GABPB1: variants seen among roughly 807,000 people sequenced by gnomAD.
GABPB1 encodes the protein GA-binding protein subunit beta-1.
Under a neutral mutation model 45.9 loss-of-function variants are expected in GABPB1, and 15 were observed. The ratio of observed to expected loss-of-function variants is 0.33; its 90% CI spans 0.22 to 0.50. The LOEUF (loss-of-function observed/expected upper bound fraction) is 0.50. Among genes scored for constraint, GABPB1 ranks in the 20% least tolerant of loss-of-function variants. The probability of loss-of-function intolerance (pLI) is 0.98; values close to 1 mark genes in which losing one functional copy is unlikely to be tolerated. For synonymous variants in GABPB1, 143 were observed against 154.4 expected, an observed-to-expected ratio of 0.93 and a Z score of 0.55; for missense variants, 252 against 457.5, an observed-to-expected ratio of 0.55 and a Z score of 4.10.
At chr15:50,279,931 C>T (rs1222107208) in intron 8 of GABPB1, among the ~76,000 whole-genome samples, 2 of 152,150 alleles carry the variant, frequency 1.3e-5, no homozygotes, top group Non-Finnish European at 2.9e-5. Flanking sequence ...CTCCTTGACT[C>T]CTGCCCATTG....
chr15:50,301,613 G>A (rs2046750037), intron 4 of GABPB1, among the ~76,000 whole-genome samples: 1 of 152,110 alleles, frequency 6.6e-6, no homozygotes, highest in African/African-American at 2.4e-5. Flanking sequence ...TATCTAAAAG[G>A]TTTTTAACAG....
rs1015641737 is a variant in GABPB1, at chr15:50,277,688, T to C, written c.*944A>G. On this transcript the variant is annotated 3_prime_UTR_variant, in exon 9 of 9. Coordinates refer to ENST00000380877, the MANE Select transcript of GABPB1 (RefSeq NM_016654.5). ...GTCCATAAAATATTTCAGAAACCCA[T>C]ATGCATTGGGTTTTCCAAAAACATT... 1.3e-5 allele frequency: 2 copies of C among 152,642 alleles called. No homozygotes were observed. Among genetic ancestry groups the C allele is most frequent in the Non-Finnish European group, 2.9e-5 (2 of 68,018 alleles). The allele number at this position is 152,642 out of a possible 1,614,324, so 9.5% of individuals were successfully genotyped here.
At chr15:50,304,844 G>T (rs1014882733) in intron 2 of GABPB1, among the ~76,000 whole-genome samples, 10 of 151,984 alleles carry the variant, frequency 6.6e-5, no homozygotes, top group African/African-American at 2.2e-4. Flanking sequence ...TCAAATAAAT[G>T]TAACAGTGTA....
chr15:50,285,437 A>G (rs1313281741), intron 8 of GABPB1, among the ~76,000 whole-genome samples: 2 of 152,138 alleles, frequency 1.3e-5, no homozygotes, highest in East Asian at 3.9e-4. Context: ...GATATAACTT[A>G]TTATCAAGTT....
At chr15:50,309,633 T>G (rs2141048997) in intron 2 of GABPB1, 58 bp downstream of exon 2, 3 of 1,067,660 alleles carry the variant, frequency 2.8e-6, no homozygotes, top group Non-Finnish European at 4.3e-6. Context: ...CATTTTTCTC[T>G]GCAAAAACTC....
At chr15:50,317,681 G>T (rs984239666) in intron 1 of GABPB1, among the ~76,000 whole-genome samples, 2 of 152,000 alleles carry the variant, frequency 1.3e-5, no homozygotes, top group Admixed American at 6.6e-5. Context: ...AGGCCGAGGC[G>T]GGTGGATCAC....
intron 1 of GABPB1, among the ~76,000 whole-genome samples, chr15:50,336,800 C>T (rs1470158528): frequency 1.3e-5 from 2 of 149,824 alleles, no homozygotes; most frequent in Non-Finnish European, 3.0e-5. Flanking sequence ...ATTAAATATA[C>T]ACAAATCTAT....
chr15:50,298,965 A>G (rs1379759806), intron 6 of GABPB1, among the ~76,000 whole-genome samples: 4 of 151,614 alleles, frequency 2.6e-5, no homozygotes, highest in East Asian at 1.9e-4. Flanking sequence ...AAAAAAAAAA[A>G]AGAAAGAGAA....
chr15:50,295,260 G>A (rs1017566257), intron 6 of GABPB1, among the ~76,000 whole-genome samples: 1 of 152,026 alleles, frequency 6.6e-6, no homozygotes, highest in African/African-American at 2.4e-5. Context: ...TTCTAAACCT[G>A]CCAAAGTGAT....
chr15:50,316,184 G>A (rs996409377), intron 1 of GABPB1, among the ~76,000 whole-genome samples: 4 of 152,200 alleles, frequency 2.6e-5, no homozygotes, highest in Admixed American at 6.5e-5. Context: ...TAAAATGTAT[G>A]TTAATAATAA....
rs1201416157 is a variant in GABPB1 at position 50,276,448 on chromosome 15, ACT to A, written c.*2182_*2183del. 1 of 152,190 alleles carries A rather than the reference ACT, an allele frequency of 6.6e-6. No individual in the cohort carries two copies. The highest frequency in any genetic ancestry group is 2.4e-5 in the African/African-American group (1 of 41,440). The allele number at this position is 152,190 out of a possible 1,614,324, so 9.4% of individuals were successfully genotyped here. On this transcript the variant is annotated 3_prime_UTR_variant, in exon 9 of 9. Transcript: ENST00000380877. The stretch of plus-strand genomic sequence containing the variant: ...TGAGAAATTATGTTATGTAACAATG[ACT>A]CTGAAAAAGGTGAGCTTCCTCCACA...
chr15:50,302,766 T>C (rs948101820), intron 4 of GABPB1, among the ~76,000 whole-genome samples, 163 bp downstream of exon 4: 1 of 150,736 alleles, frequency 6.6e-6, no homozygotes, highest in Admixed American at 6.6e-5. Flanking sequence ...AAATGAATAG[T>C]AATAAACAAA....
intron 1 of GABPB1, among the ~76,000 whole-genome samples, chr15:50,338,844 C>A (rs1392681670): frequency 6.6e-6 from 1 of 152,180 alleles, no homozygotes; most frequent in African/African-American, 2.4e-5. Context: ...ATTTTTGTTT[C>A]TTTGAATTTC....
rs939848930 is a variant in GABPB1 at position 50,278,422 on chromosome 15, T to C, written c.*210A>G. 5 of 349,854 alleles carry C rather than the reference T, an allele frequency of 1.4e-5. No individual in the cohort carries two copies. The highest frequency in any genetic ancestry group is 1.0e-5 in the Non-Finnish European group (2 of 196,612). The allele number at this position is 349,854 out of a possible 1,614,324, so 21.7% of individuals were successfully genotyped here. A position where few individuals can be genotyped will look rare whatever the true frequency, so the allele number is the denominator to read the frequency against. The stretch of plus-strand genomic sequence containing the variant: ...TTTGGAACTGTAAAAAAAAAAAAAC[T>C]ATTTACAGAATTCAGTTTTAAATAC... On this transcript the variant is annotated 3_prime_UTR_variant, in exon 9 of 9. Transcript: ENST00000380877.
At chr15:50,290,708 G>A (rs1202105282) in intron 6 of GABPB1, among the ~76,000 whole-genome samples, 1 of 152,178 alleles carries the variant, frequency 6.6e-6, no homozygotes, top group East Asian at 1.9e-4. Flanking sequence ...GATTAAGTGA[G>A]CAAGGATTTG....
intron 1 of GABPB1, among the ~76,000 whole-genome samples, chr15:50,319,830 T>G (rs1237769823): frequency 6.7e-6 from 1 of 148,614 alleles, no homozygotes; most frequent in South Asian, 2.2e-4. Context: ...AGAGTGAGAC[T>G]CCGTCTCAAA....
chr15:50,336,074 G>A (rs1358457676), intron 1 of GABPB1, among the ~76,000 whole-genome samples: 1 of 151,872 alleles, frequency 6.6e-6, no homozygotes, highest in Non-Finnish European at 1.5e-5. Flanking sequence ...TTTGAGGCTT[G>A]GCATGGTGGC....
At chr15:50,326,529 G>T (rs2047770844) in intron 1 of GABPB1, among the ~76,000 whole-genome samples, 1 of 152,124 alleles carries the variant, frequency 6.6e-6, no homozygotes, top group South Asian at 2.1e-4. Context: ...GGGCATGGTG[G>T]CATGCGCCTA....
chr15:50,313,186 CA>C (rs1264775819), intron 1 of GABPB1, among the ~76,000 whole-genome samples: 2 of 152,034 alleles, frequency 1.3e-5, no homozygotes, highest in Non-Finnish European at 2.9e-5. Context: ...AAGTAAACAG[CA>C]AGGACCCAAC....
Sources: allele counts gnomAD v4.1 joint callset (sites outside exome capture counted in the v4.1 genomes callset), GRCh38; gene constraint gnomAD v4.1.1; transcripts MANE v1.5; gene names NCBI Gene and HGNC (gene_info 2026-07-23, HGNC 2026-07-21).